ADAMTSL1: variants seen among roughly 807,000 people sequenced by gnomAD.
ADAMTSL1 encodes the protein ADAMTS-like protein 1.
ADAMTSL1 carries 126 observed loss-of-function variants against 201.8 expected under a neutral mutation model. The ratio of observed to expected loss-of-function variants is 0.62; its 90% confidence interval spans 0.54 to 0.72. The LOEUF is 0.72. Ranked by LOEUF, ADAMTSL1 falls within the 30% of genes least tolerant of loss-of-function variation. The pLI is 0.00. For synonymous variants in ADAMTSL1, 1,121 were observed against 903.4 expected (o/e 1.24, Z -4.32); for missense variants, 2,679 against 2,277.8 (o/e 1.18, Z -3.59).
chr9:18,514,337 T>C (rs1463961869), intron 2 of ADAMTSL1, among the ~76,000 whole-genome samples: 5 of 139,166 alleles, frequency 3.6e-5, no homozygotes, highest in Non-Finnish European at 6.1e-5. Flanking sequence ...CTTTTTTTTT[T>C]TTTTTTTTTT....
At chr9:18,866,599 C>T (rs1004983839) in intron 23 of ADAMTSL1, among the ~76,000 whole-genome samples, 1 of 152,174 alleles carries the variant, frequency 6.6e-6, no homozygotes. Flanking sequence ...TTATTAGAAG[C>T]ACATTCCCTG....
In ADAMTSL1 at chr9:17,984,148, A is replaced by T. The variant is rs1415620815; in HGVS notation, c.87+77226A>T. ...AAGAATACCAAAAACTTACTTTAGC[A>T]ATTAGCAGATTCTTGTGATTTTTCT... On this transcript the variant is annotated intron_variant, in intron 1 of 29. Transcript: ENST00000680146. Among the ~76,000 whole-genome samples, 5 of 152,172 alleles carry T rather than the reference A, an allele frequency of 3.3e-5. No homozygotes were observed. The East Asian group carries it at 9.6e-4, about 29-fold the overall frequency.
chr9:18,837,576 TG>T (rs1226919899), intron 23 of ADAMTSL1, among the ~76,000 whole-genome samples: 1 of 152,244 alleles, frequency 6.6e-6, no homozygotes, highest in Admixed American at 6.5e-5. Flanking sequence ...TTCTTTTAAG[TG>T]GTTCTTCCCC....
chr9:18,647,763 A>G (rs1428731076), intron 7 of ADAMTSL1, among the ~76,000 whole-genome samples: 1 of 151,280 alleles, frequency 6.6e-6, no homozygotes, highest in Non-Finnish European at 1.5e-5. Context: ...AGTTTGTTAT[A>G]ATTTCTGTTC....
chr9:18,482,663 G>C (rs1200162733), intron 1 of ADAMTSL1, among the ~76,000 whole-genome samples: 1 of 152,184 alleles, frequency 6.6e-6, no homozygotes, highest in Non-Finnish European at 1.5e-5. Context: ...CCCATAGTAA[G>C]GTATGGTAGG....
At chr9:18,076,004 T>C (rs1823206745) in intron 1 of ADAMTSL1, among the ~76,000 whole-genome samples, 1 of 152,354 alleles carries the variant, frequency 6.6e-6, no homozygotes, top group Non-Finnish European at 1.5e-5. Context: ...TGTTACACAA[T>C]TTAAACATCA....
chr9:18,680,622 G>T, intron 11 of ADAMTSL1, 106 bp downstream of exon 11: 1 of 1,244,700 alleles, frequency 8.0e-7, no homozygotes, highest in Non-Finnish European at 1.1e-6. Flanking sequence ...TCTTCTTGAG[G>T]TGTCTAGAAG....
chr9:18,461,692 G>T (rs12344691), intron 2 of ADAMTSL1, among the ~76,000 whole-genome samples: 3,856 of 152,258 alleles, frequency 0.025, 161 homozygotes, highest in African/African-American at 0.089. Flanking sequence ...GACCTCAGGA[G>T]TGAGAGAAGG....
At chr9:18,318,302 C>T (rs1250363051) in intron 2 of ADAMTSL1, among the ~76,000 whole-genome samples, 1 of 152,088 alleles carries the variant, frequency 6.6e-6, no homozygotes, top group Non-Finnish European at 1.5e-5. Context: ...ACGGGTACTT[C>T]TATTTTCTTG....
intron 15 of ADAMTSL1, among the ~76,000 whole-genome samples, chr9:18,742,436 CAA>C (rs1818887757): frequency 6.6e-6 from 1 of 151,976 alleles, no homozygotes; most frequent in Non-Finnish European, 1.5e-5. Context: ...AACATTTAAG[CAA>C]AGAGAATTGT....
At chr9:18,138,678 C>T (rs11788086) in intron 1 of ADAMTSL1, among the ~76,000 whole-genome samples, 16 of 152,110 alleles carry the variant, frequency 1.1e-4, no homozygotes, top group African/African-American at 3.9e-4. Context: ...ACACAGTAAG[C>T]GAGTTCTAGG....
chr9:18,890,623 C>T (rs530871246), intron 25 of ADAMTSL1: 1 of 455,710 alleles, frequency 2.2e-6, no homozygotes, highest in Admixed American at 2.4e-5. Flanking sequence ...TTAATATCAG[C>T]AGTTTGACTT....
chr9:18,619,577 A>C (rs914712267), intron 4 of ADAMTSL1, among the ~76,000 whole-genome samples: 1 of 152,164 alleles, frequency 6.6e-6, no homozygotes, highest in Non-Finnish European at 1.5e-5. Flanking sequence ...GTCACCTCCT[A>C]TTTAGCTATT....
chr9:18,864,067 A>G lies in ADAMTSL1; in HGVS notation c.4250-23764A>G, dbSNP rs565385653. ...CACATCTTTCATACTTTTACACAGC[A>G]TGTCCTAATCAGCCACAGCTTTCTT... On this transcript the variant is annotated intron_variant, in intron 23 of 28. Transcript: ENST00000380548. 2.2e-4 allele frequency among the ~76,000 whole-genome samples: 34 copies of G among 152,344 alleles called. 1 individual carries two copies. The East Asian group carries it at 2.9e-3, about 13-fold the overall frequency.
At chr9:18,693,754 A>C (rs2133257861) in intron 13 of ADAMTSL1, among the ~76,000 whole-genome samples, 1 of 152,328 alleles carries the variant, frequency 6.6e-6, no homozygotes, top group Non-Finnish European at 1.5e-5. Context: ...AGATTTGGTC[A>C]AGTGAGGGGG....
chr9:18,818,420 A>C (rs914426062), intron 21 of ADAMTSL1, among the ~76,000 whole-genome samples: 1 of 152,214 alleles, frequency 6.6e-6, no homozygotes, highest in African/African-American at 2.4e-5. Context: ...AGTAGGAGGA[A>C]TATCTTAACC....
chr9:18,695,619 C>A (rs1221175374), intron 13 of ADAMTSL1, among the ~76,000 whole-genome samples: 2 of 152,146 alleles, frequency 1.3e-5, no homozygotes, highest in Non-Finnish European at 2.9e-5. Context: ...GTGCCTGAGA[C>A]CACCTCCCCC....
intron 2 of ADAMTSL1, among the ~76,000 whole-genome samples, chr9:18,397,615 A>G (rs952098080): frequency 2.0e-5 from 3 of 152,190 alleles, no homozygotes; most frequent in African/African-American, 7.2e-5. Context: ...CCAAAACCCA[A>G]TACAAGTACA....
chr9:18,207,721 T>C (rs1453055466), intron 2 of ADAMTSL1, among the ~76,000 whole-genome samples: 2 of 152,152 alleles, frequency 1.3e-5, no homozygotes, highest in Non-Finnish European at 2.9e-5. Context: ...CTATTTTCTG[T>C]TTTTCAACCT....
Sources: allele counts gnomAD v4.1 joint callset (sites outside exome capture counted in the v4.1 genomes callset), GRCh38; gene constraint gnomAD v4.1.1; transcripts MANE v1.5; gene names NCBI Gene and HGNC (gene_info 2026-07-23, HGNC 2026-07-21).